ABCA13: variants seen among roughly 807,000 people sequenced by gnomAD.
ABCA13 encodes the protein ATP-binding cassette sub-family A member 13.
A neutral mutation model predicts 478.7 loss-of-function variants in ABCA13; 476 were observed. That is an observed-to-expected ratio of 0.99 (90% CI 0.92 to 1.07). ABCA13 has a LOEUF of 1.07. Among genes scored for constraint, ABCA13 ranks in the 50% least tolerant of loss-of-function variants. The pLI is 0.00. For missense variants in ABCA13, 6,060 were observed against 5,910.6 expected, an observed-to-expected ratio of 1.03 and a Z score of -0.83; for synonymous variants, 2,252 against 2,158.9, an observed-to-expected ratio of 1.04 and a Z score of -1.20.
chr7:48,555,072 C>T (rs1785673714), intron 55 of ABCA13, among the ~76,000 whole-genome samples: 1 of 151,704 alleles, frequency 6.6e-6, no homozygotes, highest in African/African-American at 2.4e-5. Flanking sequence ...AATACTTTTT[C>T]AGTATCAATT....
At chr7:48,337,123 T>C (rs1262583647) in intron 28 of ABCA13, among the ~76,000 whole-genome samples, 2 of 152,172 alleles carry the variant, frequency 1.3e-5, no homozygotes, top group East Asian at 3.8e-4. Context: ...GTTGTTCCTC[T>C]ATTTCTTAGC....
At chr7:48,473,827 A>T (rs551955190) in intron 45 of ABCA13, among the ~76,000 whole-genome samples, 1 of 152,222 alleles carries the variant, frequency 6.6e-6, no homozygotes, top group Middle Eastern at 3.4e-3. Context: ...TTTTCTAGAG[A>T]TTTTAGAAGC....
chr7:48,485,575 G>A (rs1271371261), intron 47 of ABCA13, among the ~76,000 whole-genome samples: 2 of 152,150 alleles, frequency 1.3e-5, no homozygotes, highest in African/African-American at 4.8e-5. Flanking sequence ...CCTTTCTCAA[G>A]TAAAGGCCAG....
In ABCA13 at chr7:48,372,157, CT is replaced by C. The variant is rs1812734503; in HGVS notation, c.10804-6del. 1 of 1,601,828 alleles carries C rather than the reference CT, an allele frequency of 6.2e-7. No homozygotes were observed. The highest frequency in any genetic ancestry group is 1.3e-5 in the African/African-American group (1 of 74,252). On this transcript the variant is annotated splice_polypyrimidine_tract_variant and intron_variant, in intron 32 of 61. Coordinates refer to ENST00000435803, the MANE Select transcript of ABCA13 (RefSeq NM_152701.5). The stretch of plus-strand genomic sequence containing the variant: ...GCTGTGGTAACCTTGGGTTTTTTCT[CT>C]TTTTGGTAGTATATGCGGATGATGG...
Position 48,596,732 on chromosome 7 carries a change from A to G in ABCA13, c.14744+1919A>G, listed in dbSNP as rs557734391. On this transcript the variant is annotated intron_variant, in intron 58 of 61. Coordinates refer to ENST00000435803, the MANE Select transcript of ABCA13 (RefSeq NM_152701.5). The stretch of plus-strand genomic sequence containing the variant: ...AGAATGTCATGAGACCGGGAGGTGG[A>G]GCTTGCAGTGAGCCAAGATCGGGCC... Among the ~76,000 whole-genome samples the G allele has an allele frequency of 1.3e-5, 2 of 151,782 alleles. 1 individual carries two copies. Among genetic ancestry groups the G allele is most frequent in the South Asian group, 4.2e-4 (2 of 4,770 alleles).
In ABCA13 at chr7:48,352,254, A is replaced by T; in HGVS notation, c.10455A>T (p.Ser3485=). ...SESVKLPPHV[S]YTIRTNVLYS... ...CTGTCAAACTGCCACCCCATGTCTC[A>T]TACACAATCCGGACCAATGTGTTAT... is the stretch of plus-strand genomic sequence containing the variant. The change falls in exon 31 of 62, where the codon TCA becomes TCT. Residue 3485 remains serine (S), a synonymous_variant. Coordinates refer to ENST00000435803, the MANE Select transcript of ABCA13 (RefSeq NM_152701.5). The T allele has an allele frequency of 6.2e-7, 1 of 1,613,752 alleles. No individual in the cohort carries two copies. The highest frequency in any genetic ancestry group is 8.5e-7 in the Non-Finnish European group (1 of 1,179,792).
chr7:48,382,612 T>C lies in ABCA13; in HGVS notation c.11336-5210T>C, dbSNP rs143280211. 3.4e-3 allele frequency among the ~76,000 whole-genome samples: 513 copies of C among 152,348 alleles called. 1 individual carries two copies. The highest frequency in any genetic ancestry group is 5.2e-3 in the Non-Finnish European group (354 of 68,032). ...TCTGAATTTCAAAATTAATTGAACA[T>C]CCTGTGTTTGTATTTTCTGAATCTA... is the stretch of plus-strand genomic sequence containing the variant. On this transcript the variant is annotated intron_variant, in intron 35 of 61. Transcript: ENST00000435803.
chr7:48,225,991 C>T (rs538970808), intron 5 of ABCA13, among the ~76,000 whole-genome samples: 73 of 151,650 alleles, frequency 4.8e-4, no homozygotes, highest in African/African-American at 1.7e-3. Flanking sequence ...ACCAGGGGCA[C>T]GAGGGCAATG....
chr7:48,296,289 A>G (rs1799355005), intron 21 of ABCA13, among the ~76,000 whole-genome samples: 1 of 152,146 alleles, frequency 6.6e-6, no homozygotes, highest in Admixed American at 6.5e-5. Flanking sequence ...GGTCCCAACC[A>G]CATAGGAGGC....
At chr7:48,313,343 T>C in intron 25 of ABCA13, 112 bp downstream of exon 25, 1 of 1,087,010 alleles carries the variant, frequency 9.2e-7, no homozygotes, top group Non-Finnish European at 1.3e-6. Flanking sequence ...GACAGCAAAA[T>C]ACAGGAATGA....
chr7:48,261,403 T>C (rs540962838), intron 15 of ABCA13, among the ~76,000 whole-genome samples: 23 of 152,068 alleles, frequency 1.5e-4, no homozygotes, highest in African/African-American at 5.3e-4. Flanking sequence ...GTTAGTGTGA[T>C]ACTTAAAAAT....
chr7:48,607,234 C>T (rs1313560126), intron 58 of ABCA13, among the ~76,000 whole-genome samples: 1 of 152,184 alleles, frequency 6.6e-6, no homozygotes. Flanking sequence ...AGCGCAGTAT[C>T]TGGGCCGGAG....
rs574241927 is a variant in ABCA13 at position 48,538,100 on chromosome 7, CTTT to C, written c.14354+9771_14354+9773del. Among the ~76,000 whole-genome samples the C allele has an allele frequency of 5.2e-4, 59 of 113,394 alleles. No homozygotes were observed. The East Asian group carries it at 6.8e-3, about 13-fold the overall frequency. 74.4% of individuals were successfully genotyped at this position (113,394 alleles called of 152,430 possible). ...TCTTATTTTTTTCTTTCTTTCTTTC[CTTT>C]TTTTTTTTTTTTTTTGAGGTGGAGT... On this transcript the variant is annotated intron_variant, in intron 55 of 61. Coordinates refer to ENST00000435803, the MANE Select transcript of ABCA13 (RefSeq NM_152701.5).
chr7:48,401,238 T>C (rs1257881725), intron 38 of ABCA13, among the ~76,000 whole-genome samples: 1 of 152,236 alleles, frequency 6.6e-6, no homozygotes, highest in Non-Finnish European at 1.5e-5. Flanking sequence ...GTATGATACA[T>C]GTCTAATAAA....
intron 47 of ABCA13, among the ~76,000 whole-genome samples, chr7:48,488,151 A>G (rs2130661246): frequency 6.6e-6 from 1 of 152,202 alleles, no homozygotes; most frequent in South Asian, 2.1e-4. Flanking sequence ...GTGGTGTGAA[A>G]GATGAGATCT....
intron 55 of ABCA13, 48 bp from the exon 56 acceptor site, chr7:48,580,176 C>T: frequency 6.6e-7 from 1 of 1,517,172 alleles, no homozygotes; most frequent in Non-Finnish European, 8.8e-7. Context: ...TGGGTTGGTG[C>T]CAGTTTGGGA....
At position 48,257,187 on chromosome 7, in the gene ABCA13, G is replaced by A. The variant is rs968500679; in HGVS notation, c.2005+7836G>A. 3.9e-5 allele frequency among the ~76,000 whole-genome samples: 6 copies of A among 152,124 alleles called. No homozygotes were observed. In the East Asian group the frequency reaches 1.2e-3, roughly 29 times the overall value. Reference sequence around the variant, plus strand: ...GCTTATCAGATCTAGGGGCTCTGGGGCAGACTATGGGGTTTTCTAGGTATA... The same window carrying A: ...GCTTATCAGATCTAGGGGCTCTGGGACAGACTATGGGGTTTTCTAGGTATA... On this transcript the variant is annotated intron_variant, in intron 15 of 61. Coordinates refer to ENST00000435803, the MANE Select transcript of ABCA13 (RefSeq NM_152701.5).
At chr7:48,229,739 C>G (rs1410139674) in intron 6 of ABCA13, 86 bp from the exon 7 acceptor site, 1 of 1,517,694 alleles carries the variant, frequency 6.6e-7, no homozygotes, top group Non-Finnish European at 9.0e-7. Flanking sequence ...GGGCCCAGTC[C>G]ATGGGATGTA....
chr7:48,522,705 A>G (rs1832636683), intron 53 of ABCA13, among the ~76,000 whole-genome samples: 4 of 152,138 alleles, frequency 2.6e-5, no homozygotes, highest in Non-Finnish European at 2.9e-5. Flanking sequence ...GTCTCCACCA[A>G]CCAGAATTAC....
Sources: gnomAD v4.1 joint callset for allele counts (sites outside exome capture counted in the v4.1 genomes callset) on GRCh38, gnomAD v4.1.1 for gene constraint, MANE v1.5 for transcripts, NCBI Gene and HGNC (gene_info 2026-07-23, HGNC 2026-07-21) for gene names.